The following RUNX2 variants were observed in gnomAD, a reference collection of about 807,000 sequenced individuals.
The protein encoded by RUNX2 is runt-related transcription factor 2.
Under a neutral mutation model 51.7 loss-of-function variants are expected in RUNX2, and 10 were observed. The observed-to-expected ratio is 0.19, with a 90% CI of 0.12 to 0.33. The LOEUF (loss-of-function observed/expected upper bound fraction) is 0.33, where lower values mean the gene tolerates loss of function less well. RUNX2 is among the 10% of genes least tolerant of loss of function. The pLI is 1.00. For missense variants in RUNX2, 562 were observed against 691.3 expected, an observed-to-expected ratio of 0.81 and a Z score of 2.10; for synonymous variants, 276 against 273.6, an observed-to-expected ratio of 1.01 and a Z score of -0.09.
At chr6:45,344,983 T>C (rs946951035) in intron 2 of RUNX2, among the ~76,000 whole-genome samples, 2 of 152,186 alleles carry the variant, frequency 1.3e-5, no homozygotes, top group African/African-American at 4.8e-5. Context: ...TTTAGAAATC[T>C]GTTTCACCTA....
At chr6:45,378,087 C>G (rs1316344119) in intron 2 of RUNX2, 1 of 152,176 alleles carries the variant, frequency 6.6e-6, no homozygotes, top group African/African-American at 2.4e-5. Flanking sequence ...TCTCCCAGCC[C>G]GAGCGAGCTA....
chr6:45,396,588 T>C (rs1797586493), intron 2 of RUNX2, among the ~76,000 whole-genome samples: 2 of 152,178 alleles, frequency 1.3e-5, no homozygotes, highest in South Asian at 4.1e-4. Context: ...AAATTTATTG[T>C]AGAGACAGGG....
intron 6 of RUNX2, among the ~76,000 whole-genome samples, chr6:45,497,174 T>G (rs16873437): frequency 0.052 from 7,953 of 152,310 alleles, 549 homozygotes; most frequent in East Asian, 0.23. Flanking sequence ...TCATGATTCT[T>G]CCTAGGTTGC....
chr6:45,415,420 G>A (rs1798047880), intron 2 of RUNX2, among the ~76,000 whole-genome samples: 1 of 152,194 alleles, frequency 6.6e-6, no homozygotes, highest in African/African-American at 2.4e-5. Flanking sequence ...TGGCAGAGAA[G>A]TTGTGCTAGT....
intron 2 of RUNX2, among the ~76,000 whole-genome samples, chr6:45,356,580 T>A (rs76209793): frequency 6.6e-6 from 1 of 151,954 alleles, no homozygotes; most frequent in Non-Finnish European, 1.5e-5. Flanking sequence ...ATTTTTTTTT[T>A]AGTAGAGACA....
chr6:45,398,621 A>AT (rs1466454187), intron 2 of RUNX2, among the ~76,000 whole-genome samples: 1 of 152,100 alleles, frequency 6.6e-6, no homozygotes, highest in Admixed American at 6.5e-5. Flanking sequence ...TATGTAGAAC[A>AT]TTTTTTTCTG....
intron 2 of RUNX2, among the ~76,000 whole-genome samples, chr6:45,355,576 C>G (rs1793007921): frequency 6.6e-6 from 1 of 152,054 alleles, no homozygotes; most frequent in Admixed American, 6.6e-5. Flanking sequence ...CTTAATCACT[C>G]AGATGTAGCA....
intron 5 of RUNX2, among the ~76,000 whole-genome samples, chr6:45,455,092 C>T (rs1304327919): frequency 5.9e-5 from 9 of 151,972 alleles, no homozygotes; most frequent in Non-Finnish European, 7.4e-5. Context: ...CCAGCCTGGG[C>T]GACAGTGAGA....
intron 2 of RUNX2, among the ~76,000 whole-genome samples, chr6:45,354,984 T>G (rs189314824): frequency 3.3e-5 from 5 of 151,916 alleles, no homozygotes; most frequent in Admixed American, 6.6e-5. Context: ...CACTTTGAGG[T>G]TTTTTTTGGA....
At position 45,550,002 on chromosome 6, in the gene RUNX2, CT is replaced by C. The variant is rs398001404; in HGVS notation, c.*2712del. ...ATTAAAATTTTGTTTTTCTTTCTTT[CT>C]TTTTTTTTTTTTTTCACTGAACCCT... On this transcript the variant is annotated 3_prime_UTR_variant, in exon 9 of 9. Transcript: ENST00000647337. The C allele has an allele frequency of 0.4, 56,344 of 141,212 alleles. 10,793 individuals carry two copies. Among genetic ancestry groups the C allele is most frequent in the African/African-American group, 0.46 (17,564 of 38,390 alleles). 8.7% of individuals were successfully genotyped at this position (141,212 alleles called of 1,614,324 possible).
intron 3 of RUNX2, among the ~76,000 whole-genome samples, chr6:45,425,217 G>A (rs1333474850): frequency 6.6e-6 from 1 of 152,114 alleles, no homozygotes; most frequent in Non-Finnish European, 1.5e-5. Flanking sequence ...CATATTTAAG[G>A]TCTATCTTGA....
intron 7 of RUNX2, chr6:45,513,414 G>C (rs563881381): frequency 9.2e-5 from 14 of 152,260 alleles, no homozygotes; most frequent in Admixed American, 3.3e-4. Flanking sequence ...TTGTGTTTCT[G>C]TCTCTGTTTC....
At chr6:45,420,790 C>T (rs1798165494) in intron 2 of RUNX2, among the ~76,000 whole-genome samples, 1 of 152,186 alleles carries the variant, frequency 6.6e-6, no homozygotes, top group Non-Finnish European at 1.5e-5. Flanking sequence ...GCGGGCGCAG[C>T]ACATTGTTTT....
chr6:45,410,422 G>A (rs1797925719), intron 2 of RUNX2, among the ~76,000 whole-genome samples: 2 of 152,176 alleles, frequency 1.3e-5, no homozygotes, highest in Non-Finnish European at 2.9e-5. Flanking sequence ...AGAAAATAAT[G>A]GGAAAAGATT....
Position 45,422,619 on chromosome 6 carries a change from C to A in RUNX2, c.85C>A (p.Pro29Thr), listed in dbSNP as rs114654066. ...TCCGAGCACCAGCCGGCGCTTCAGC[C>A]CCCCCTCCAGCAGCCTGCAGCCCGG... ...WDPSTSRRFS[P>T]PSSSLQPGKM... The change falls in exon 3 of 9, where the codon CCC becomes ACC. Residue 29 changes from proline to threonine, a missense_variant. Coordinates refer to ENST00000647337, the MANE Select transcript of RUNX2 (RefSeq NM_001024630.4). 16 of 1,607,086 alleles carry A rather than the reference C, an allele frequency of 1.0e-5. No individual in the cohort carries two copies. The highest frequency in any genetic ancestry group is 1.7e-5 in the Admixed American group (1 of 58,860).
At chr6:45,473,467 A>C (rs1799865475) in intron 5 of RUNX2, among the ~76,000 whole-genome samples, 2 of 152,184 alleles carry the variant, frequency 1.3e-5, no homozygotes, top group South Asian at 4.1e-4. Flanking sequence ...ACCCACTCTG[A>C]GAATTAACAT....
chr6:45,402,057 G>A (rs1797722227), intron 2 of RUNX2, among the ~76,000 whole-genome samples: 1 of 152,226 alleles, frequency 6.6e-6, no homozygotes, highest in Non-Finnish European at 1.5e-5. Context: ...TTCAAGGAAA[G>A]TGTTGGTTAA....
At chr6:45,483,920 G>A (rs1004240989) in intron 5 of RUNX2, among the ~76,000 whole-genome samples, 1 of 152,214 alleles carries the variant, frequency 6.6e-6, no homozygotes, top group Admixed American at 6.5e-5. Context: ...GAGTGACAAC[G>A]CATATTGCGA....
chr6:45,473,243 AC>A (rs892921033), intron 5 of RUNX2, among the ~76,000 whole-genome samples: 12 of 151,958 alleles, frequency 7.9e-5, no homozygotes, highest in African/African-American at 1.2e-4. Context: ...GGTTCCCCAC[AC>A]CCCCCAGCTC....
Sources: allele counts gnomAD v4.1 joint callset (sites outside exome capture counted in the v4.1 genomes callset), GRCh38; gene constraint gnomAD v4.1.1; transcripts MANE v1.5; gene names NCBI Gene and HGNC (gene_info 2026-07-23, HGNC 2026-07-21).